JCAD: variants seen among roughly 807,000 people sequenced by gnomAD.
The protein encoded by JCAD is junctional cadherin 5-associated protein.
JCAD carries 40 observed loss-of-function variants against 98.0 expected under a neutral mutation model. That is an observed-to-expected ratio of 0.41 (90% confidence interval 0.32 to 0.53). JCAD has a LOEUF of 0.53. JCAD is among the 20% of genes least tolerant of loss of function. The pLI is 0.31. For missense variants in JCAD, 1,705 were observed against 1,738.1 expected (o/e 0.98, Z 0.34); for synonymous variants, 691 against 682.3 (o/e 1.01, Z -0.20).
chr10:30,092,127 A>ATACATATATATATATATAT (rs1589715617), intron 1 of JCAD, among the ~76,000 whole-genome samples: 1 of 80,892 alleles, frequency 1.2e-5, no homozygotes, highest in Non-Finnish European at 2.1e-5. Context: ...TATATATATA[A>ATACATATATATATATATAT]AAAACATTTT....
At chr10:30,038,448 C>T (rs1264029299) in intron 2 of JCAD, among the ~76,000 whole-genome samples, 1 of 151,956 alleles carries the variant, frequency 6.6e-6, no homozygotes, top group African/African-American at 2.4e-5. Context: ...CTTTGAGACG[C>T]TGAGGTAGGA....
chr10:30,040,790 C>T (rs975433254), intron 2 of JCAD, among the ~76,000 whole-genome samples: 3 of 152,182 alleles, frequency 2.0e-5, no homozygotes, highest in South Asian at 2.1e-4. Flanking sequence ...TTGTCGAGAA[C>T]GCAGAGGCAC....
intron 2 of JCAD, among the ~76,000 whole-genome samples, chr10:30,066,866 A>G (rs1837793341): frequency 6.6e-6 from 1 of 152,034 alleles, no homozygotes; most frequent in African/African-American, 2.4e-5. Context: ...ACTAAAAAAT[A>G]TGTGCTTGTA....
intron 1 of JCAD, among the ~76,000 whole-genome samples, chr10:30,074,523 G>A (rs1047555831): frequency 6.6e-6 from 1 of 152,212 alleles, no homozygotes; most frequent in Admixed American, 6.5e-5. Context: ...AGAGACAACA[G>A]GACCTGCACC....
intron 1 of JCAD, among the ~76,000 whole-genome samples, chr10:30,112,844 C>T (rs1268197994): frequency 6.7e-6 from 1 of 149,418 alleles, no homozygotes; most frequent in Non-Finnish European, 1.5e-5. Context: ...TGAACTCCAG[C>T]CTGGGCAAAA....
intron 3 of JCAD, among the ~76,000 whole-genome samples, chr10:30,023,809 G>A (rs529726176): frequency 1.3e-5 from 2 of 152,248 alleles, no homozygotes; most frequent in South Asian, 4.1e-4. Flanking sequence ...CATTACCTGG[G>A]TGTTTTTAGA....
intron 1 of JCAD, among the ~76,000 whole-genome samples, chr10:30,112,323 A>C (rs12245669): frequency 3.3e-5 from 5 of 151,958 alleles, no homozygotes; most frequent in African/African-American, 1.2e-4. Flanking sequence ...AAAATTTAAA[A>C]AAAAAATTAG....
chr10:30,107,313 G>A (rs1838603151), intron 1 of JCAD, among the ~76,000 whole-genome samples: 1 of 152,124 alleles, frequency 6.6e-6, no homozygotes, highest in Non-Finnish European at 1.5e-5. Flanking sequence ...GCCAGAACCC[G>A]CCAAAACCAA....
chr10:30,061,691 GGA>G (rs1490504463), upstream of JCAD, among the ~76,000 whole-genome samples: 2 of 151,874 alleles, frequency 1.3e-5, no homozygotes, highest in Non-Finnish European at 2.9e-5. Flanking sequence ...TGGGAAAATA[GGA>G]TTCGACAAAA....
chr10:30,102,330 TC>T lies in JCAD; in HGVS notation n.128+13036del, dbSNP rs749841856. On this transcript the variant is annotated intron_variant and non_coding_transcript_variant, in intron 1 of 2. Transcript: ENST00000465712. ...ATCACAGTGGGTGCTTACCACCATG[TC>T]CGGCTAATTTTTGTATTTTTAGTAG... Among the ~76,000 whole-genome samples the T allele has an allele frequency of 1.5e-3, 230 of 152,050 alleles. 1 individual carries two copies. Among genetic ancestry groups the T allele is most frequent in the Non-Finnish European group, 2.9e-3 (194 of 67,936 alleles).
chr10:30,107,062 T>A (rs1838598125), intron 1 of JCAD, among the ~76,000 whole-genome samples: 1 of 152,104 alleles, frequency 6.6e-6, no homozygotes, highest in African/African-American at 2.4e-5. Context: ...GCCTTGCACA[T>A]CCCTCCCCAT....
At chr10:30,106,066 T>C (rs1838574137) in intron 1 of JCAD, among the ~76,000 whole-genome samples, 1 of 152,112 alleles carries the variant, frequency 6.6e-6, no homozygotes, top group South Asian at 2.1e-4. Context: ...TATTTGTTCC[T>C]TCACAATTCC....
intron 2 of JCAD, among the ~76,000 whole-genome samples, chr10:30,043,179 C>G (rs944624363): frequency 1.3e-5 from 2 of 152,202 alleles, no homozygotes; most frequent in Non-Finnish European, 2.9e-5. Flanking sequence ...ACTACTTGAT[C>G]TGCTAATAGT....
chr10:30,083,941 G>A (rs965645815), intron 1 of JCAD, among the ~76,000 whole-genome samples: 1 of 152,008 alleles, frequency 6.6e-6, no homozygotes, highest in African/African-American at 2.4e-5. Context: ...AGGATAGCTT[G>A]AGCCCAGGAA....
chr10:30,091,872 AC>A (rs1416108208), intron 1 of JCAD, among the ~76,000 whole-genome samples: 16 of 147,472 alleles, frequency 1.1e-4, no homozygotes, highest in African/African-American at 3.5e-4. Flanking sequence ...AAATAAAAAT[AC>A]AAAAATTAGC....
At chr10:30,049,039 T>C (rs913356163) in intron 1 of JCAD, among the ~76,000 whole-genome samples, 3 of 152,116 alleles carry the variant, frequency 2.0e-5, no homozygotes, top group Non-Finnish European at 4.4e-5. Flanking sequence ...CAAAGAAGAA[T>C]GAAAATGGGC....
Position 30,027,528 on chromosome 10 carries a change from A to C in JCAD, c.2620T>G (p.Cys874Gly). ...CGGAAGCCCACATCCTCCTGTCTGC[A>C]GTGAGCACGGTTCTCCTGCTGCGGC... Reference protein sequence around the residue: ...AEPQQENRAHCRQEDVGFRGN... With the variant: ...AEPQQENRAHGRQEDVGFRGN... The change falls in exon 3 of 4, where the codon TGC becomes GGC. Residue 874 changes from cysteine (C) to glycine (G), a missense_variant. By Grantham distance (159) the Cys-to-Gly change is radical. This residue lies in a region of JCAD where 1,278 missense variants were observed against 1,243.1 expected (regional missense o/e 1.03). Transcript: ENST00000375377. 5 of 1,612,764 alleles carry C rather than the reference A, an allele frequency of 3.1e-6. No homozygotes were observed. Among genetic ancestry groups the C allele is most frequent in the Non-Finnish European group, 4.2e-6 (5 of 1,180,042 alleles).
intron 1 of JCAD, among the ~76,000 whole-genome samples, chr10:30,091,658 G>A (rs1423886767): frequency 6.8e-6 from 1 of 148,060 alleles, no homozygotes; most frequent in Non-Finnish European, 1.5e-5. Flanking sequence ...AAAAACAGTT[G>A]AAATTCTTCA....
rs1000981443 is a variant in JCAD, at chr10:30,026,173, G to T, written c.3975C>A (p.Ile1325=). The change falls in exon 3 of 4, where the codon ATC becomes ATA. Residue 1325 remains isoleucine (I), a synonymous_variant. Transcript: ENST00000375377. ...CCGGATGCTCCTTCTCTTCCCTGGA[G>T]ATGCTGTCCTTGGACACAGAGAGTG... ...GHSLSVSKDS[I]SREEKEHPAA... 3.1e-6 allele frequency: 5 copies of T among 1,614,070 alleles called. 1 individual carries two copies. The highest frequency in any genetic ancestry group is 3.3e-4 in the Middle Eastern group (2 of 6,084).
Sources: gnomAD v4.1 joint callset for allele counts (sites outside exome capture counted in the v4.1 genomes callset) on GRCh38, gnomAD v4.1.1 for gene constraint, gnomAD v4.1.1 regional missense constraint, MANE v1.5 for transcripts, NCBI Gene and HGNC (gene_info 2026-07-23, HGNC 2026-07-21) for gene names.